The following KIDINS220 variants were observed in gnomAD, a reference collection of about 807,000 sequenced individuals.
The protein encoded by KIDINS220 is kinase D-interacting substrate of 220 kDa.
KIDINS220 carries 63 observed loss-of-function variants against 157.6 expected under a neutral mutation model. The ratio of observed to expected loss-of-function variants is 0.40; its 90% CI spans 0.33 to 0.49. The LOEUF (loss-of-function observed/expected upper bound fraction) is 0.49. KIDINS220 is among the 20% of genes least tolerant of loss of function. The pLI is 0.66. For synonymous variants in KIDINS220, 732 were observed against 783.6 expected (o/e 0.93, Z 1.10); for missense variants, 1,772 against 2,171.2 (o/e 0.82, Z 3.65).
intron 22 of KIDINS220, among the ~76,000 whole-genome samples, chr2:8,770,076 T>C (rs1363431049): frequency 6.6e-6 from 1 of 152,024 alleles, no homozygotes; most frequent in Non-Finnish European, 1.5e-5. Context: ...TCTAAGGAAA[T>C]AAAAGTTATC....
chr2:8,812,441 A>G lies in KIDINS220; in HGVS notation c.458T>C (p.Val153Ala). 1 of 1,599,278 alleles carries G rather than the reference A, an allele frequency of 6.3e-7. No homozygotes were observed. Among genetic ancestry groups the G allele is most frequent in the Non-Finnish European group, 8.5e-7 (1 of 1,172,684 alleles). ...WAAGRGHADI[V>A]HLLLQNGAKV... ...AGCACCATTTTGCAGTAAAAGATGA[A>G]CTATATCTGCATGGCCTCTCCCTGC... The change falls in exon 6 of 30, where the codon GTT becomes GCT. Residue 153 changes from valine to alanine, a missense_variant. Physicochemically the swap from Val to Ala is moderately conservative, Grantham distance 64. This residue lies in a region of KIDINS220 where 254 missense variants were observed against 268.6 expected (regional missense o/e 0.95). Transcript: ENST00000256707.
intron 6 of KIDINS220, among the ~76,000 whole-genome samples, chr2:8,808,812 CCTGTT>C (rs991651500): frequency 3.9e-5 from 6 of 152,220 alleles, no homozygotes; most frequent in African/African-American, 1.4e-4. Flanking sequence ...GTGGGTCTCT[CCTGTT>C]CTAACAAATT....
chr2:8,770,611 T>C, intron 22 of KIDINS220, 59 bp downstream of exon 22: 1 of 1,032,730 alleles, frequency 9.7e-7, no homozygotes, highest in East Asian at 2.5e-5. Flanking sequence ...TACGCGTTTT[T>C]TTTTTTTTTT....
intron 22 of KIDINS220, among the ~76,000 whole-genome samples, chr2:8,761,089 C>T (rs913488104): frequency 6.6e-6 from 1 of 152,116 alleles, no homozygotes; most frequent in Admixed American, 6.5e-5. Flanking sequence ...TTAAAATGTT[C>T]CGACAAAAGT....
rs185330217 is a variant in KIDINS220, at chr2:8,786,211, G to A, written c.1934C>T (p.Thr645Ile). The A allele has an allele frequency of 1.6e-4, 255 of 1,614,040 alleles. 2 individuals carry two copies. In the East Asian group the frequency reaches 3.5e-3, roughly 22 times the overall value. ...RLFRVFKTED[T>I]QGKKKWKKTC... is the part of the protein sequence containing the mutation. ...AGGAAGGAAGGAAATCCTACCCTGA[G>A]TATCTTCAGTCTTGAATACTCGAAA... Residue 645 changes from threonine to isoleucine, a missense_variant, in exon 16 of 30, where the codon ACT becomes ATT. Thr to Ile is a moderately conservative substitution (Grantham distance 89). Coordinates refer to ENST00000256707, the MANE Select transcript of KIDINS220 (RefSeq NM_020738.4).
In KIDINS220 at chr2:8,791,243, A is replaced by G. The variant is rs1358364161; in HGVS notation, c.1277-19T>C. 2 of 1,597,150 alleles carry G rather than the reference A, an allele frequency of 1.3e-6. No homozygotes were observed. The highest frequency in any genetic ancestry group is 1.7e-6 in the Non-Finnish European group (2 of 1,166,666). On this transcript the variant is annotated intron_variant, in intron 12 of 29. Transcript: ENST00000256707. ...AAGTGTCCTGTAATTAAAACACATC[A>G]TATCTTACATTAAACAGTGGCATTA...
rs181674908 is a variant in KIDINS220 at position 8,827,930 on chromosome 2, G to A, written c.-36-801C>T. ...AGATTCTGACTCAGCAGGTCTGAGT[G>A]GGGCCCCTGACTCTGCATCTTTATC... On this transcript the variant is annotated intron_variant, in intron 1 of 29. Coordinates refer to ENST00000256707, the MANE Select transcript of KIDINS220 (RefSeq NM_020738.4). Among the ~76,000 whole-genome samples the A allele has an allele frequency of 1.1e-3, 175 of 152,256 alleles. 2 individuals carry two copies. Among genetic ancestry groups the A allele is most frequent in the Non-Finnish European group, 6.2e-4 (42 of 68,004 alleles).
At chr2:8,796,973 A>G in intron 10 of KIDINS220, 104 bp from the exon 11 acceptor site, 1 of 850,046 alleles carries the variant, frequency 1.2e-6, no homozygotes, top group Non-Finnish European at 2.0e-6. Flanking sequence ...GTAACAGCCT[A>G]TATTTAAAAC....
intron 2 of KIDINS220, among the ~76,000 whole-genome samples, chr2:8,821,723 A>T (rs1403225260): frequency 6.6e-6 from 1 of 152,220 alleles, no homozygotes; most frequent in Non-Finnish European, 1.5e-5. Flanking sequence ...ACGCTATCCA[A>T]AAAGATAATG....
At chr2:8,819,546 G>T (rs1200344212) in intron 2 of KIDINS220, among the ~76,000 whole-genome samples, 1 of 152,192 alleles carries the variant, frequency 6.6e-6, no homozygotes, top group Non-Finnish European at 1.5e-5. Context: ...AGGTTAGGCC[G>T]AGCGCAGTGG....
chr2:8,834,106 A>G (rs1447003714), intron 1 of KIDINS220, among the ~76,000 whole-genome samples: 13 of 151,248 alleles, frequency 8.6e-5, no homozygotes. Context: ...AGCAACAATC[A>G]CCCCTGTGCA....
chr2:8,757,735 C>T (rs760284902), intron 22 of KIDINS220: 2 of 1,612,440 alleles, frequency 1.2e-6, no homozygotes, highest in Non-Finnish European at 1.7e-6. Flanking sequence ...GCAACTAACA[C>T]TGACTTGGAA....
At chr2:8,826,459 T>A (rs1678824495) in intron 2 of KIDINS220, among the ~76,000 whole-genome samples, 1 of 151,952 alleles carries the variant, frequency 6.6e-6, no homozygotes, top group Admixed American at 6.6e-5. Flanking sequence ...AACTACAAAA[T>A]TAGCCGAGCG....
rs1249450756 is a variant in KIDINS220, at chr2:8,770,608, T to A, written c.3011+62A>T. ...TTTGTATTGTCTGCTTTATACGCGT[T>A]TTTTTTTTTTTTTTAACTCAACCTA... On this transcript the variant is annotated intron_variant, in intron 22 of 29. Coordinates refer to ENST00000256707, the MANE Select transcript of KIDINS220 (RefSeq NM_020738.4). 3 of 373,948 alleles carry A rather than the reference T, an allele frequency of 8.0e-6. No homozygotes were observed. The East Asian group carries it at 1.9e-4, about 24-fold the overall frequency. 23.2% of individuals were successfully genotyped at this position (373,948 alleles called of 1,614,324 possible).
At chr2:8,803,340 T>A (rs1005337105) in intron 7 of KIDINS220, among the ~76,000 whole-genome samples, 1 of 152,198 alleles carries the variant, frequency 6.6e-6, no homozygotes, top group African/African-American at 2.4e-5. Flanking sequence ...AATACATTAA[T>A]GATCTTCAGT....
chr2:8,788,835 G>C (rs777966811), intron 14 of KIDINS220, 23 bp from the exon 15 acceptor site: 1 of 1,607,486 alleles, frequency 6.2e-7, no homozygotes, highest in Non-Finnish European at 8.5e-7. Flanking sequence ...GTTTAAAAAA[G>C]TTATCCAAAG....
At position 8,778,895 on chromosome 2, in the gene KIDINS220, C is replaced by T. The variant is rs1671325545; in HGVS notation, c.2614+1G>A. ...AAGTACTTTAGGAGCCTGAGCTTTA[C>T]CTGTAGTATCTGAGCATGGAACGTC... On this transcript the variant is annotated splice_donor_variant, in intron 19 of 29. Transcript: ENST00000256707. LOFTEE classifies it high-confidence loss of function. The T allele has an allele frequency of 6.2e-7, 1 of 1,613,816 alleles. No homozygotes were observed. Among genetic ancestry groups the T allele is most frequent in the African/African-American group, 1.3e-5 (1 of 74,918 alleles).
Position 8,796,987 on chromosome 2 carries a change from C to G in KIDINS220, c.1000-118G>C, listed in dbSNP as rs978306891. 4.0e-6 allele frequency: 3 copies of G among 757,582 alleles called. No individual in the cohort carries two copies. The African/African-American group carries it at 5.2e-5, about 13-fold the overall frequency. 46.9% of individuals were successfully genotyped at this position (757,582 alleles called of 1,614,324 possible). On this transcript the variant is annotated intron_variant, in intron 10 of 29. Coordinates refer to ENST00000256707, the MANE Select transcript of KIDINS220 (RefSeq NM_020738.4). ...GGTAACAGCCTATATTTAAAACCCTCTCAAGAAAACATAAAAGCTAACAAC... is the reference window on the plus strand; with the variant it reads ...GGTAACAGCCTATATTTAAAACCCTGTCAAGAAAACATAAAAGCTAACAAC...
intron 21 of KIDINS220, among the ~76,000 whole-genome samples, chr2:8,773,256 T>A (rs6717764): frequency 0.14 from 21,092 of 152,190 alleles, 1,616 homozygotes; most frequent in Middle Eastern, 0.2. Flanking sequence ...TTAGAGAAAT[T>A]CGTACATTTG....
Sources: allele counts gnomAD v4.1 joint callset (sites outside exome capture counted in the v4.1 genomes callset), GRCh38; gene constraint gnomAD v4.1.1; regional missense constraint gnomAD v4.1.1; transcripts MANE v1.5; gene names NCBI Gene and HGNC (gene_info 2026-07-23, HGNC 2026-07-21).